Variants in NHERF1 observed in about 807,000 individuals in gnomAD.
The protein encoded by NHERF1 is Na(+)/H(+) exchange regulatory cofactor NHE-RF1.
At chr17:74,751,856 A>T in the NHERF1 span, among the ~76,000 whole-genome samples, 11 of 152,120 alleles carry the variant, frequency 7.2e-5, no homozygotes, top group East Asian at 2.1e-3. This position sits in a 1 kb window ranked among gnomAD's most constrained non-coding sequence, Gnocchi z 4.3. Flanking sequence ...AAGTTACCTC[A>T]CCTCTGTAAG....
At chr17:74,762,688 G>A in the NHERF1 span, among the ~76,000 whole-genome samples, 14 of 152,146 alleles carry the variant, frequency 9.2e-5, no homozygotes, top group Admixed American at 5.9e-4. The surrounding 1 kb of genome is among the most constrained non-coding windows in gnomAD (Gnocchi z 4.2). Flanking sequence ...CTCCTGAGTA[G>A]CTGGGATTAC....
Sources: allele counts gnomAD v4.1 joint callset (sites outside exome capture counted in the v4.1 genomes callset), GRCh38; gene constraint gnomAD v4.1.1; non-coding constraint Gnocchi (gnomAD v3.1); transcripts MANE v1.5; gene names NCBI Gene and HGNC (gene_info 2026-07-23, HGNC 2026-07-21).